The following THAP6 variants were observed in gnomAD, a reference collection of about 807,000 sequenced individuals.
THAP6 encodes THAP domain containing 6, also known as THAP domain-containing protein 6.
THAP6 carries 13 observed loss-of-function variants against 20.0 expected under a neutral mutation model. That is an observed-to-expected ratio of 0.65 (90% CI 0.42 to 1.03). The LOEUF is 1.03. Ranked by LOEUF, THAP6 falls within the 50% of genes least tolerant of loss-of-function variation. The pLI is 0.00. For missense variants in THAP6, 262 were observed against 261.6 expected, an observed-to-expected ratio of 1.00 and a Z score of -0.01; for synonymous variants, 93 against 92.2, an observed-to-expected ratio of 1.01 and a Z score of -0.05.
At chr4:75,526,160 C>T (rs75555845) in intron 4 of THAP6, among the ~76,000 whole-genome samples, 197 of 152,290 alleles carry the variant, frequency 1.3e-3, no homozygotes, top group African/African-American at 4.6e-3. Context: ...TCTTAGGTCT[C>T]ACCTCTTTGC....
chr4:75,542,685 T>C, intron 3 of THAP6: 1 of 468,394 alleles, frequency 2.1e-6, no homozygotes, highest in East Asian at 3.1e-5. Flanking sequence ...CGTTGTTGTT[T>C]GTTCTGATCT....
At chr4:75,515,356 C>T (rs1725499810) in intron 1 of THAP6, 77 bp from the exon 2 acceptor site, 5 of 1,400,522 alleles carry the variant, frequency 3.6e-6, no homozygotes, top group Non-Finnish European at 3.0e-6. Context: ...TTTGTGTTTC[C>T]TAAAACACCG....
chr4:75,534,008 G>C (rs890172042), downstream of THAP6, among the ~76,000 whole-genome samples: 7 of 151,746 alleles, frequency 4.6e-5, no homozygotes, highest in African/African-American at 1.7e-4. Flanking sequence ...AGAACATGCA[G>C]TGTTTGGTTT....
intron 3 of THAP6, among the ~76,000 whole-genome samples, chr4:75,518,708 T>G (rs1447218072): frequency 6.6e-6 from 1 of 152,226 alleles, no homozygotes; most frequent in Non-Finnish European, 1.5e-5. Context: ...CATTAAATAT[T>G]TTCCTACACC....
chr4:75,539,374 A>C (rs10857225), intron 2 of THAP6, among the ~76,000 whole-genome samples: 59,596 of 151,992 alleles, frequency 0.39, 13,038 homozygotes, highest in African/African-American at 0.6. Flanking sequence ...GCCCCATACG[A>C]TAGTGTGAGA....
At chr4:75,533,349 C>G (rs942867390), downstream of THAP6, among the ~76,000 whole-genome samples, 6 of 152,196 alleles carry the variant, frequency 3.9e-5, no homozygotes, top group African/African-American at 1.4e-4. Flanking sequence ...GCCTGGATTT[C>G]ATTGTCCATA....
At chr4:75,542,442 G>A in exon 3 of THAP6, 2 of 702,014 alleles carry the variant, frequency 2.8e-6, no homozygotes, top group Non-Finnish European at 5.2e-6. Context: ...TTTGTTCAAG[G>A]CAAAAAATTA....
downstream of THAP6, among the ~76,000 whole-genome samples, chr4:75,531,705 C>T (rs1441554613): frequency 3.3e-5 from 5 of 151,660 alleles, no homozygotes; most frequent in African/African-American, 1.2e-4. Flanking sequence ...ATAATCATGG[C>T]AGAAGGCAAG....
intron 2 of THAP6, chr4:75,539,748 C>G: frequency 6.8e-7 from 1 of 1,463,600 alleles, no homozygotes; most frequent in Non-Finnish European, 9.1e-7. Flanking sequence ...GACAATAGCA[C>G]CTTACCCATT....
chr4:75,531,821 C>T (rs999441765), downstream of THAP6, among the ~76,000 whole-genome samples: 1 of 150,844 alleles, frequency 6.6e-6, no homozygotes. Context: ...TCTCATGAGA[C>T]CCATTCACTA....
At chr4:75,524,221 T>C (rs1726223327) in intron 4 of THAP6, among the ~76,000 whole-genome samples, 1 of 152,256 alleles carries the variant, frequency 6.6e-6, no homozygotes, top group Non-Finnish European at 1.5e-5. Context: ...AGTCGTATAC[T>C]TTCGTTTTTC....
chr4:75,541,883 A>T (rs1727014545), intron 2 of THAP6, among the ~76,000 whole-genome samples: 1 of 150,674 alleles, frequency 6.6e-6, no homozygotes, highest in Non-Finnish European at 1.5e-5. Flanking sequence ...TTGAGCGCAG[A>T]GGGGCGGAGG....
At chr4:75,514,609 G>A (rs974954506) in intron 1 of THAP6, 89 bp downstream of exon 1, 12 of 254,106 alleles carry the variant, frequency 4.7e-5, no homozygotes, top group Admixed American at 2.0e-4. Flanking sequence ...CGGCAGCGGC[G>A]CGGAGACGCT....
Position 75,545,828 on chromosome 4 carries a change from G to A in THAP6, c.243+3342G>A, listed in dbSNP as rs535063538. Among the ~76,000 whole-genome samples, 7 of 152,328 alleles carry A rather than the reference G, an allele frequency of 4.6e-5. No homozygotes were observed. The East Asian group carries it at 1.4e-3, about 29-fold the overall frequency. ...TGGCTTCCTCAAGGCCCAGCAGCAG[G>A]ACAGGGCCTTTCTCTGAGCAGAACT... On this transcript the variant is annotated intron_variant, in intron 3 of 4. Coordinates refer to the THAP6 transcript ENST00000502620.
At chr4:75,523,208 G>A (rs1726142518) in intron 4 of THAP6, among the ~76,000 whole-genome samples, 1 of 152,144 alleles carries the variant, frequency 6.6e-6, no homozygotes, top group Non-Finnish European at 1.5e-5. Flanking sequence ...GTGATAATGC[G>A]TACCTTTTCA....
Position 75,529,047 on chromosome 4 carries a change from C to T in THAP6, c.*1833C>T. ...CAGCCTGAGCAACAGAGCAAGACTC[C>T]ATCTCAAAAAAACAAAACTACTTTC... On this transcript the variant is annotated 3_prime_UTR_variant, in exon 5 of 5. Coordinates refer to ENST00000311638, the MANE Select transcript of THAP6 (RefSeq NM_144721.6). The T allele has an allele frequency of 1.1e-6, 1 of 872,160 alleles. No homozygotes were observed. The highest frequency in any genetic ancestry group is 1.4e-6 in the Non-Finnish European group (1 of 726,920). 54.0% of individuals were successfully genotyped at this position (872,160 alleles called of 1,614,324 possible).
intron 4 of THAP6, among the ~76,000 whole-genome samples, chr4:75,525,210 C>T (rs1186472196): frequency 2.6e-5 from 4 of 151,978 alleles, no homozygotes; most frequent in Non-Finnish European, 5.9e-5. Context: ...GCCATGATTT[C>T]TTCAAATATT....
At chr4:75,514,558 T>G in intron 1 of THAP6, 38 bp downstream of exon 1, 1 of 339,426 alleles carries the variant, frequency 2.9e-6, no homozygotes, top group Non-Finnish European at 5.4e-6. Context: ...CCCCAATCGC[T>G]ACCCGCCCAA....
At chr4:75,532,082 A>G (rs1053222905), downstream of THAP6, among the ~76,000 whole-genome samples, 2 of 152,202 alleles carry the variant, frequency 1.3e-5, no homozygotes, top group African/African-American at 4.8e-5. Flanking sequence ...TTAACTCAAA[A>G]GTCCACAGCC....
Sources: allele counts gnomAD v4.1 joint callset (sites outside exome capture counted in the v4.1 genomes callset), GRCh38; gene constraint gnomAD v4.1.1; transcripts MANE v1.5; gene names NCBI Gene and HGNC (gene_info 2026-07-23, HGNC 2026-07-21).